TNIK: variants seen among roughly 807,000 people sequenced by gnomAD.
TNIK encodes the protein TRAF2 and NCK interacting kinase.
TNIK carries 49 observed loss-of-function variants against 191.3 expected under a neutral mutation model. That is an observed-to-expected ratio of 0.26 (90% CI 0.20 to 0.32). The LOEUF (loss-of-function observed/expected upper bound fraction) is 0.32. TNIK is among the 10% of genes least tolerant of loss of function. The pLI, the probability that TNIK is intolerant of heterozygous loss-of-function variation, is 1.00. For missense variants in TNIK, 1,155 were observed against 1,702.3 expected (o/e 0.68, Z 5.66); for synonymous variants, 594 against 600.9 (o/e 0.99, Z 0.17).
intron 2 of TNIK, among the ~76,000 whole-genome samples, chr3:171,359,124 T>G (rs1326206486): frequency 6.6e-6 from 1 of 152,204 alleles, no homozygotes; most frequent in African/African-American, 2.4e-5. Context: ...AATTACTGTA[T>G]GTACGTTCTA....
chr3:171,333,557 CAG>C (rs935618266), intron 2 of TNIK, among the ~76,000 whole-genome samples: 11 of 126,072 alleles, frequency 8.7e-5, no homozygotes, highest in East Asian at 2.6e-4. Flanking sequence ...CTGGGCGAAA[CAG>C]AGACTCAGAT....
At chr3:171,210,693 A>G (rs984184556) in intron 4 of TNIK, among the ~76,000 whole-genome samples, 2 of 152,214 alleles carry the variant, frequency 1.3e-5, no homozygotes, top group Admixed American at 6.5e-5. Flanking sequence ...AGACTTTGGA[A>G]CAGTTTATTC....
At chr3:171,187,749 A>G (rs1244062433) in intron 7 of TNIK, among the ~76,000 whole-genome samples, 1 of 152,212 alleles carries the variant, frequency 6.6e-6, no homozygotes, top group Non-Finnish European at 1.5e-5. Flanking sequence ...CCTCGGCCTC[A>G]GTTTCTTCAT....
intron 18 of TNIK, among the ~76,000 whole-genome samples, chr3:171,114,490 C>T (rs1306078379): frequency 1.3e-5 from 2 of 152,164 alleles, no homozygotes; most frequent in East Asian, 1.9e-4. Flanking sequence ...ATTAAACCAA[C>T]TAATTTCTTT....
intron 1 of TNIK, among the ~76,000 whole-genome samples, chr3:171,411,227 C>G (rs962785305): frequency 6.6e-6 from 1 of 152,030 alleles, no homozygotes; most frequent in African/African-American, 2.4e-5. Flanking sequence ...ACCATCATGC[C>G]TGGCTAATTT....
At chr3:171,158,659 G>A (rs895768351) in intron 11 of TNIK, among the ~76,000 whole-genome samples, 6 of 152,144 alleles carry the variant, frequency 3.9e-5, no homozygotes, top group Non-Finnish European at 5.9e-5. Context: ...CTAAGGATAC[G>A]GCAGTTGCTA....
At chr3:171,094,198 G>T (rs537641457) in intron 22 of TNIK, among the ~76,000 whole-genome samples, 1 of 151,422 alleles carries the variant, frequency 6.6e-6, no homozygotes, top group East Asian at 1.9e-4. Flanking sequence ...GCAGTGGCGC[G>T]ATCTTGACTC....
intron 2 of TNIK, among the ~76,000 whole-genome samples, chr3:171,323,782 G>A (rs528336573): frequency 2.0e-5 from 3 of 152,248 alleles, no homozygotes; most frequent in Non-Finnish European, 2.9e-5. Context: ...CCACCTGACT[G>A]TCTCTGTCTT....
At chr3:171,156,186 T>A (rs1420308543) in intron 12 of TNIK, among the ~76,000 whole-genome samples, 3 of 152,218 alleles carry the variant, frequency 2.0e-5, no homozygotes, top group Non-Finnish European at 4.4e-5. Context: ...TGCCTGGTAC[T>A]TGACATTACT....
intron 4 of TNIK, among the ~76,000 whole-genome samples, chr3:171,197,921 T>G (rs1254877015): frequency 2.6e-5 from 4 of 152,124 alleles, no homozygotes; most frequent in Non-Finnish European, 5.9e-5. Flanking sequence ...AGAAGTATAC[T>G]CAAAAGAATT....
Position 171,108,163 on chromosome 3 carries a change from C to T in TNIK, c.2285-1G>A. ...GGTGATCCTTCTGACTTACTGTTGG[C>T]TAGAGGAAAAAAACAGAGGACCAAG... On this transcript the variant is annotated splice_acceptor_variant, in intron 19 of 32. Coordinates refer to ENST00000436636, the MANE Select transcript of TNIK (RefSeq NM_015028.4). LOFTEE classifies it high-confidence loss of function. 6.5e-7 allele frequency: 1 copy of T among 1,535,354 alleles called. No individual in the cohort carries two copies. The highest frequency in any genetic ancestry group is 8.7e-7 in the Non-Finnish European group (1 of 1,143,080).
intron 1 of TNIK, among the ~76,000 whole-genome samples, chr3:171,441,163 C>A (rs1424043217): frequency 6.6e-6 from 1 of 152,044 alleles, no homozygotes; most frequent in African/African-American, 2.4e-5. Context: ...TGGAGCTGGT[C>A]AACTATGAAG....
chr3:171,334,833 A>G (rs370449616), intron 2 of TNIK, among the ~76,000 whole-genome samples: 7 of 151,854 alleles, frequency 4.6e-5, no homozygotes, highest in East Asian at 3.9e-4. Context: ...CTTGTATTAA[A>G]TTTAAAAACT....
intron 1 of TNIK, among the ~76,000 whole-genome samples, chr3:171,390,663 G>A (rs748955256): frequency 1.3e-5 from 2 of 152,208 alleles, no homozygotes; most frequent in African/African-American, 2.4e-5. Context: ...TGATGTTGGT[G>A]ATCTCACCTC....
At chr3:171,406,393 C>A (rs1332666567) in intron 1 of TNIK, among the ~76,000 whole-genome samples, 2 of 152,084 alleles carry the variant, frequency 1.3e-5, no homozygotes, top group Non-Finnish European at 2.9e-5. Context: ...GGGCACCCTC[C>A]ATATTGAGAG....
chr3:171,127,398 T>C (rs1266201646), intron 16 of TNIK, among the ~76,000 whole-genome samples: 1 of 151,258 alleles, frequency 6.6e-6, no homozygotes, highest in Non-Finnish European at 1.5e-5. Flanking sequence ...ATATCTAGTA[T>C]AAAACACAAA....
At chr3:171,386,590 T>G (rs1350562250) in intron 1 of TNIK, among the ~76,000 whole-genome samples, 2 of 152,176 alleles carry the variant, frequency 1.3e-5, no homozygotes, top group Non-Finnish European at 2.9e-5. Context: ...ATAGCCCTAA[T>G]TTTCAAACAC....
At chr3:171,361,374 G>T (rs746813413) in intron 2 of TNIK, among the ~76,000 whole-genome samples, 2 of 152,220 alleles carry the variant, frequency 1.3e-5, no homozygotes, top group Non-Finnish European at 2.9e-5. Flanking sequence ...CAACTACCTA[G>T]TAGAGCAATC....
intron 24 of TNIK, 113 bp downstream of exon 24, chr3:171,087,229 C>A: frequency 6.8e-7 from 1 of 1,478,338 alleles, no homozygotes; most frequent in Non-Finnish European, 9.1e-7. Context: ...TGGTAGAAAC[C>A]AACCAAACAA....
Sources: gnomAD v4.1 joint callset for allele counts (sites outside exome capture counted in the v4.1 genomes callset) on GRCh38, gnomAD v4.1.1 for gene constraint, MANE v1.5 for transcripts, NCBI Gene and HGNC (gene_info 2026-07-23, HGNC 2026-07-21) for gene names.